The following PADI6 variants were observed in gnomAD, a reference collection of about 807,000 sequenced individuals.
PADI6 encodes inactive protein-arginine deiminase type-6.
In PADI6, 66 loss-of-function variants were observed where a neutral mutation model predicts 78.2. The ratio of observed to expected loss-of-function variants is 0.84; its 90% CI spans 0.69 to 1.04. PADI6 has a LOEUF of 1.04. Ranked by LOEUF, PADI6 falls within the 50% of genes least tolerant of loss-of-function variation. The probability of loss-of-function intolerance (pLI) is 0.00; values close to 1 mark genes in which losing one functional copy is unlikely to be tolerated. For missense variants in PADI6, 854 were observed against 866.1 expected, an observed-to-expected ratio of 0.99 and a Z score of 0.18; for synonymous variants, 397 against 346.9, an observed-to-expected ratio of 1.14 and a Z score of -1.60.
intron 13 of PADI6, among the ~76,000 whole-genome samples, chr1:17,396,209 A>G (rs1427965505): frequency 1.3e-5 from 2 of 152,098 alleles, no homozygotes; most frequent in African/African-American, 4.8e-5. Context: ...AACATGACGA[A>G]AGCCCATCTC....
At position 17,372,215 on chromosome 1, in the gene PADI6, G is replaced by A. The variant is rs759859859; in HGVS notation, c.-31G>A. 10 of 1,597,580 alleles carry A rather than the reference G, an allele frequency of 6.3e-6. No homozygotes were observed. Among genetic ancestry groups the A allele is most frequent in the Admixed American group, 1.7e-5 (1 of 59,994 alleles). ...GCCCTGGGGCGTCTGAGGCTGCTGT[G>A]CTGAGTGAGGGCTGCGGTGCAGGCC... is the stretch of plus-strand genomic sequence containing the variant. On this transcript the variant is annotated 5_prime_UTR_variant, in exon 1 of 16. Coordinates refer to ENST00000619609, the MANE Select transcript of PADI6 (RefSeq NM_207421.4).
At chr1:17,398,504 AGG>A (rs1397615258) in intron 14 of PADI6, among the ~76,000 whole-genome samples, 180 bp from the exon 15 acceptor site, 1 of 152,160 alleles carries the variant, frequency 6.6e-6, no homozygotes, top group African/African-American at 2.4e-5. Flanking sequence ...CCATGTGAAA[AGG>A]GAACTGCCTA....
At position 17,372,374 on chromosome 1, in the gene PADI6, G is replaced by A; in HGVS notation, c.116+13G>A. The A allele has an allele frequency of 6.2e-7, 1 of 1,612,764 alleles. No individual in the cohort carries two copies. The highest frequency in any genetic ancestry group is 1.7e-4 in the Middle Eastern group (1 of 6,060). ...TGGATCTCAGCGGGTGAGATGCTGG[G>A]AGCTCTGCCAGAGGTGGCAGGCAGA... On this transcript the variant is annotated intron_variant, in intron 1 of 15. Transcript: ENST00000619609.
chr1:17,389,989 A>G (rs1415242008), intron 8 of PADI6, among the ~76,000 whole-genome samples: 2 of 152,198 alleles, frequency 1.3e-5, no homozygotes, highest in Non-Finnish European at 2.9e-5. Context: ...ATGCTCTAGC[A>G]GGGATGGGAA....
chr1:17,397,639 G>A (rs976625729), intron 14 of PADI6, among the ~76,000 whole-genome samples: 3 of 152,158 alleles, frequency 2.0e-5, no homozygotes, highest in Non-Finnish European at 2.9e-5. Context: ...AGCATTTTGC[G>A]AGATACCTCA....
intron 15 of PADI6, 89 bp downstream of exon 15, chr1:17,398,936 T>C (rs2075274476): frequency 7.3e-7 from 1 of 1,376,056 alleles, no homozygotes; most frequent in Non-Finnish European, 1.0e-6. Context: ...GCAGATATGG[T>C]GGACAGCAGA....
chr1:17,373,132 A>C lies in PADI6; in HGVS notation c.193A>C (p.Ile65Leu), dbSNP rs2100282212. 1.2e-6 allele frequency: 2 copies of C among 1,613,996 alleles called. No individual in the cohort carries two copies. Among genetic ancestry groups the C allele is most frequent in the Middle Eastern group, 3.3e-4 (2 of 6,058 alleles). The stretch of plus-strand genomic sequence containing the variant: ...CTTGATCGATGTGGCCAACACGGTG[A>C]TTTCTGAGAAGGAGGACGCCACCAT... ...RVLIDVANTV[I>L]SEKEDATIWW... Residue 65 changes from isoleucine to leucine, a missense_variant, in exon 2 of 16, where the codon ATT becomes CTT. By Grantham distance (5) the Ile-to-Leu change is conservative (BLOSUM62 2). Transcript: ENST00000619609.
chr1:17,395,867 G>A lies in PADI6; in HGVS notation c.1618+204G>A, dbSNP rs7538876. ...TAGACCAGATGTTCTGGGATGGCCT[G>A]GAGGCTGTTTGGATGTATTTGAAGG... On this transcript the variant is annotated intron_variant, in intron 13 of 15. Transcript: ENST00000619609. Among the ~76,000 whole-genome samples the A allele has an allele frequency of 0.36, 55,315 of 152,052 alleles. 10,202 individuals are homozygous for A. Among genetic ancestry groups the A allele is most frequent in the South Asian group, 0.39 (1,900 of 4,822 alleles).
chr1:17,388,319 C>CA, intron 6 of PADI6, 62 bp from the exon 7 acceptor site: 1 of 1,444,126 alleles, frequency 6.9e-7, no homozygotes, highest in Non-Finnish European at 9.4e-7. Context: ...GTACCTTGAC[C>CA]ATCAAATGTG....
chr1:17,394,132 TGGGGCC>T, intron 10 of PADI6, 50 bp downstream of exon 10: 1 of 1,583,170 alleles, frequency 6.3e-7, no homozygotes, highest in Admixed American at 1.7e-5. Context: ...CTCTCAGGCC[TGGGGCC>T]TGCCTAGAAA....
intron 1 of PADI6, 42 bp downstream of exon 1, chr1:17,372,403 G>A (rs2074971030): frequency 6.4e-7 from 1 of 1,574,410 alleles, no homozygotes; most frequent in Non-Finnish European, 8.7e-7. Context: ...AGGCAGACAG[G>A]CAGGCAGGCC....
At chr1:17,398,981 C>T (rs1005639466) in intron 15 of PADI6, 134 bp downstream of exon 15, 9 of 1,021,846 alleles carry the variant, frequency 8.8e-6, no homozygotes, top group African/African-American at 6.5e-5. Flanking sequence ...AGGGAGACCC[C>T]TTCTCCCCCA....
chr1:17,399,524 G>C (rs575796275), intron 15 of PADI6, among the ~76,000 whole-genome samples: 26 of 151,974 alleles, frequency 1.7e-4, no homozygotes, highest in Non-Finnish European at 3.2e-4. Flanking sequence ...GAACCCCGGA[G>C]ACAGAGGTTG....
chr1:17,381,947 T>C lies in PADI6; in HGVS notation c.554-20T>C, dbSNP rs770500103. 3.1e-5 allele frequency: 50 copies of C among 1,613,184 alleles called. No individual in the cohort carries two copies. The East Asian group carries it at 1.1e-3, about 36-fold the overall frequency. On this transcript the variant is annotated intron_variant, in intron 5 of 15. Coordinates refer to ENST00000619609, the MANE Select transcript of PADI6 (RefSeq NM_207421.4). Reference sequence around the variant, plus strand: ...CTGGCCTCCAGACATTCCTTAACCTTTGCTTTGTCTTTTGCCCAGAAATAA... The same window carrying C: ...CTGGCCTCCAGACATTCCTTAACCTCTGCTTTGTCTTTTGCCCAGAAATAA...
At chr1:17,374,601 G>C (rs1021302121) in intron 2 of PADI6, among the ~76,000 whole-genome samples, 2 of 152,028 alleles carry the variant, frequency 1.3e-5, no homozygotes, top group African/African-American at 4.8e-5. Flanking sequence ...ATTACAGCCT[G>C]GGCAACAAGA....
intron 15 of PADI6, 93 bp downstream of exon 15, chr1:17,398,940 C>T: frequency 7.4e-7 from 1 of 1,358,516 alleles, no homozygotes; most frequent in Non-Finnish European, 1.0e-6. Flanking sequence ...ATATGGTGGA[C>T]AGCAGATAAC....
At chr1:17,372,995 T>C (rs553518481) in intron 1 of PADI6, 61 bp from the exon 2 acceptor site, 2,271 of 1,535,266 alleles carry the variant, frequency 1.5e-3, no homozygotes, top group Non-Finnish European at 2.0e-3. Flanking sequence ...CCCATGCCAG[T>C]CATCTCCTAG....
intron 6 of PADI6, among the ~76,000 whole-genome samples, chr1:17,384,967 C>T (rs374085593): frequency 2.0e-5 from 3 of 152,134 alleles, no homozygotes; most frequent in African/African-American, 4.8e-5. Flanking sequence ...TGGTAGTACA[C>T]GGGCAGATGT....
intron 15 of PADI6, among the ~76,000 whole-genome samples, chr1:17,400,648 T>C (rs2075293009): frequency 6.6e-6 from 1 of 152,216 alleles, no homozygotes; most frequent in African/African-American, 2.4e-5. Flanking sequence ...ATCTGAACTT[T>C]CTCATGTAAC....
Sources: allele counts gnomAD v4.1 joint callset (sites outside exome capture counted in the v4.1 genomes callset), GRCh38; gene constraint gnomAD v4.1.1; transcripts MANE v1.5; gene names NCBI Gene and HGNC (gene_info 2026-07-23, HGNC 2026-07-21).